CACNA2D3: variants seen among roughly 807,000 people sequenced by gnomAD.
CACNA2D3 encodes the protein calcium voltage-gated channel auxiliary subunit alpha2delta 3, also known as voltage-dependent calcium channel subunit alpha-2/delta-3.
In CACNA2D3, 60 loss-of-function variants were observed where a neutral mutation model predicts 160.6. That is an observed-to-expected ratio of 0.37 (90% confidence interval 0.30 to 0.46). CACNA2D3 has a LOEUF of 0.46. CACNA2D3 is among the 20% of genes least tolerant of loss of function. CACNA2D3 has a pLI of 1.00. For missense variants in CACNA2D3, 1,205 were observed against 1,365.0 expected (o/e 0.88, Z 1.85); for synonymous variants, 558 against 492.9 (o/e 1.13, Z -1.75).
intron 11 of CACNA2D3, among the ~76,000 whole-genome samples, chr3:54,715,653 C>T (rs1384196160): frequency 6.6e-6 from 1 of 152,094 alleles, no homozygotes; most frequent in African/African-American, 2.4e-5. Flanking sequence ...ACAAAAGACA[C>T]TCCTATCACT....
intron 8 of CACNA2D3, among the ~76,000 whole-genome samples, chr3:54,572,225 G>T (rs772732859): frequency 6.6e-6 from 1 of 152,196 alleles, no homozygotes; most frequent in Non-Finnish European, 1.5e-5. Flanking sequence ...CTGATTTTAA[G>T]AAATCCTAAA....
intron 2 of CACNA2D3, among the ~76,000 whole-genome samples, chr3:54,279,537 A>G (rs1179863993): frequency 6.6e-6 from 1 of 152,164 alleles, no homozygotes; most frequent in Non-Finnish European, 1.5e-5. Flanking sequence ...CACTTTGAAA[A>G]TGGAGCTTTC....
Position 54,891,473 on chromosome 3 carries a change from A to AG in CACNA2D3, c.2246+27dup, listed in dbSNP as rs759008842. On this transcript the variant is annotated intron_variant, in intron 25 of 37. Coordinates refer to ENST00000474759, the MANE Select transcript of CACNA2D3 (RefSeq NM_018398.3). The stretch of plus-strand genomic sequence containing the variant: ...TCAGTAAGTAGGAGGGATCCTCTAC[A>AG]GGGGCCCAGGGAGCTTCTGAAATGG... The AG allele has an allele frequency of 4.0e-5, 60 of 1,516,706 alleles. No individual in the cohort carries two copies. The African/African-American group carries it at 7.8e-4, about 20-fold the overall frequency. The allele number at this position is 1,516,706 out of a possible 1,614,324, so 94.0% of individuals were successfully genotyped here.
At chr3:55,022,012 G>A (rs547185788) in intron 35 of CACNA2D3, among the ~76,000 whole-genome samples, 1 of 152,030 alleles carries the variant, frequency 6.6e-6, no homozygotes, top group East Asian at 1.9e-4. Context: ...TTTGGACAAA[G>A]TATACAAATT....
chr3:54,705,912 G>A (rs1352586794), intron 11 of CACNA2D3, among the ~76,000 whole-genome samples: 1 of 152,160 alleles, frequency 6.6e-6, no homozygotes, highest in Non-Finnish European at 1.5e-5. Flanking sequence ...CTCATAAAGT[G>A]ATGATGGAGA....
At chr3:54,713,950 A>G (rs745363980) in intron 11 of CACNA2D3, among the ~76,000 whole-genome samples, 1 of 152,154 alleles carries the variant, frequency 6.6e-6, no homozygotes, top group Non-Finnish European at 1.5e-5. Context: ...TTCAAGTTTC[A>G]CATATGTGAT....
At chr3:54,420,240 A>G (rs977122635) in intron 4 of CACNA2D3, among the ~76,000 whole-genome samples, 3 of 152,068 alleles carry the variant, frequency 2.0e-5, no homozygotes, top group African/African-American at 4.8e-5. Flanking sequence ...ACACGCCACT[A>G]TGCCCAGCTA....
At chr3:54,311,312 C>T (rs1420277093) in intron 2 of CACNA2D3, among the ~76,000 whole-genome samples, 1 of 152,154 alleles carries the variant, frequency 6.6e-6, no homozygotes, top group Non-Finnish European at 1.5e-5. Context: ...CCGCATCTCT[C>T]CTTGCTGCCC....
At chr3:54,822,790 C>CTTTCTTTTTCTTTCTTTCTTTT (rs1491160047) in intron 14 of CACNA2D3, among the ~76,000 whole-genome samples, 2 of 71,960 alleles carry the variant, frequency 2.8e-5, no homozygotes, top group African/African-American at 1.2e-4. Context: ...TTCTTTCTTT[C>CTTTCTTTTTCTTTCTTTCTTTT]CTTTCTTTCT....
At chr3:54,260,388 G>A (rs1282733146) in intron 2 of CACNA2D3, among the ~76,000 whole-genome samples, 1 of 152,134 alleles carries the variant, frequency 6.6e-6, no homozygotes, top group Non-Finnish European at 1.5e-5. Context: ...GGGTCAAAGG[G>A]CTGCATCTGG....
chr3:54,910,164 G>A (rs1700526914), intron 27 of CACNA2D3, among the ~76,000 whole-genome samples: 1 of 152,144 alleles, frequency 6.6e-6, no homozygotes, highest in Admixed American at 6.6e-5. Context: ...ACATGACACA[G>A]CTCAGGCAGA....
At chr3:54,878,455 G>T (rs1406317781) in intron 18 of CACNA2D3, among the ~76,000 whole-genome samples, 4 of 152,054 alleles carry the variant, frequency 2.6e-5, no homozygotes, top group South Asian at 4.2e-4. Flanking sequence ...CAGATACAGG[G>T]TCGCTCCTGT....
At chr3:54,744,711 G>A (rs1701720014) in intron 11 of CACNA2D3, among the ~76,000 whole-genome samples, 1 of 152,220 alleles carries the variant, frequency 6.6e-6, no homozygotes, top group Non-Finnish European at 1.5e-5. Context: ...TCTATGGATG[G>A]AAGACTTGGC....
intron 2 of CACNA2D3, among the ~76,000 whole-genome samples, chr3:54,166,631 C>T (rs891644513): frequency 1.3e-5 from 2 of 152,148 alleles, no homozygotes; most frequent in South Asian, 2.1e-4. Context: ...CCTTTAATCA[C>T]AATCATCTTA....
chr3:54,759,211 C>T (rs976245788), intron 12 of CACNA2D3, among the ~76,000 whole-genome samples: 1 of 152,148 alleles, frequency 6.6e-6, no homozygotes, highest in Non-Finnish European at 1.5e-5. Context: ...GCATTAATTG[C>T]TCCTTGGTAA....
intron 5 of CACNA2D3, among the ~76,000 whole-genome samples, chr3:54,525,893 T>C (rs2107003099): frequency 6.6e-6 from 1 of 152,186 alleles, no homozygotes; most frequent in African/African-American, 2.4e-5. Flanking sequence ...TTTTAGAAAG[T>C]TTATATTCAT....
chr3:54,204,605 G>A lies in CACNA2D3; in HGVS notation c.204+81011G>A, dbSNP rs573244923. 2.1e-4 allele frequency among the ~76,000 whole-genome samples: 32 copies of A among 152,104 alleles called. 1 individual carries two copies. In the South Asian group the frequency reaches 4.2e-3, roughly 20 times the overall value. ...AGGTCAGGAGTTCAAGACCAGCCTG[G>A]CTAACATGGTGAAACCCTGTCTCTA... On this transcript the variant is annotated intron_variant, in intron 2 of 37. Coordinates refer to ENST00000474759, the MANE Select transcript of CACNA2D3 (RefSeq NM_018398.3).
intron 17 of CACNA2D3, among the ~76,000 whole-genome samples, chr3:54,867,451 A>G (rs758589092): frequency 5.3e-5 from 8 of 152,094 alleles, no homozygotes; most frequent in Non-Finnish European, 8.8e-5. Flanking sequence ...TCATTTGAAA[A>G]GAAAAAAATA....
At chr3:54,402,862 A>G (rs1699496043) in intron 4 of CACNA2D3, among the ~76,000 whole-genome samples, 1 of 152,204 alleles carries the variant, frequency 6.6e-6, no homozygotes, top group African/African-American at 2.4e-5. Flanking sequence ...ATTCTCCAGG[A>G]CGAACCATAT....
Sources: gnomAD v4.1 joint callset for allele counts (sites outside exome capture counted in the v4.1 genomes callset) on GRCh38, gnomAD v4.1.1 for gene constraint, MANE v1.5 for transcripts, NCBI Gene and HGNC (gene_info 2026-07-23, HGNC 2026-07-21) for gene names.